ANKRD30B: variants seen among roughly 807,000 people sequenced by gnomAD.
ANKRD30B encodes the protein ankyrin repeat domain-containing protein 30B.
A neutral mutation model predicts 202.2 loss-of-function variants in ANKRD30B; 144 were observed. That is an observed-to-expected ratio of 0.71 (90% CI 0.62 to 0.82). ANKRD30B has a LOEUF of 0.82. ANKRD30B is among the 40% of genes least tolerant of loss of function. The pLI is 0.00. For synonymous variants in ANKRD30B, 508 were observed against 561.3 expected, an observed-to-expected ratio of 0.91 and a Z score of 1.34; for missense variants, 1,487 against 1,669.1, an observed-to-expected ratio of 0.89 and a Z score of 1.90.
the ANKRD30B span, among the ~76,000 whole-genome samples, chr18:14,876,655 G>A: frequency 6.6e-6 from 1 of 152,204 alleles, no homozygotes; most frequent in East Asian, 1.9e-4. Context: ...GAGCTTGTAA[G>A]TGAACAGAGA....
intron 7 of ANKRD30B, among the ~76,000 whole-genome samples, chr18:14,766,707 G>A (rs1916284682): frequency 6.6e-6 from 1 of 151,988 alleles, no homozygotes; most frequent in African/African-American, 2.4e-5. Context: ...ATAATTATTA[G>A]GCAAAGCCAT....
At chr18:14,856,158 G>A (rs1338785445), downstream of ANKRD30B, among the ~76,000 whole-genome samples, 21 of 145,680 alleles carry the variant, frequency 1.4e-4, no homozygotes, top group South Asian at 4.4e-4. Context: ...CAGATGGGAC[G>A]GCCAGGCAGA....
intron 30 of ANKRD30B, chr18:14,816,783 T>TA (rs1970132864): frequency 6.6e-6 from 1 of 151,702 alleles, no homozygotes; most frequent in African/African-American, 2.4e-5. Flanking sequence ...TACGCAGCCA[T>TA]AAAAAATGAT....
At chr18:14,938,844 T>C in the ANKRD30B span, among the ~76,000 whole-genome samples, 1 of 152,078 alleles carries the variant, frequency 6.6e-6, no homozygotes, top group African/African-American at 2.4e-5. Context: ...TAAACTTGGA[T>C]CAGACAAAAA....
At chr18:14,884,481 G>A in the ANKRD30B span, among the ~76,000 whole-genome samples, 1 of 151,942 alleles carries the variant, frequency 6.6e-6, no homozygotes, top group South Asian at 2.1e-4. Context: ...TTGTTACACA[G>A]CAATAGATAA....
chr18:14,805,880 A>G (rs1568031079), intron 24 of ANKRD30B, among the ~76,000 whole-genome samples: 4 of 149,734 alleles, frequency 2.7e-5, no homozygotes, highest in Non-Finnish European at 1.5e-5. Context: ...GTCATTCTAC[A>G]GCAACTTTTT....
the ANKRD30B span, among the ~76,000 whole-genome samples, chr18:14,876,381 GT>G: frequency 4.1e-4 from 62 of 152,340 alleles, no homozygotes; most frequent in African/African-American, 1.4e-3. Context: ...TTCTTCAAGT[GT>G]GTCCAAGAAG....
chr18:14,881,030 A>G, the ANKRD30B span, among the ~76,000 whole-genome samples: 1 of 152,130 alleles, frequency 6.6e-6, no homozygotes, highest in African/African-American at 2.4e-5. Flanking sequence ...ATCGTCAGCA[A>G]CCAGTGACAG....
chr18:14,821,006 G>C (rs1414698606), intron 30 of ANKRD30B, among the ~76,000 whole-genome samples: 1 of 152,114 alleles, frequency 6.6e-6, no homozygotes, highest in African/African-American at 2.4e-5. Flanking sequence ...ACTCTTTTTG[G>C]TTGGTAAACT....
the ANKRD30B span, among the ~76,000 whole-genome samples, chr18:14,935,175 AG>A: frequency 1.3e-5 from 2 of 152,160 alleles, no homozygotes; most frequent in Non-Finnish European, 2.9e-5. Context: ...ATAGCCTGGG[AG>A]GGGTACCTCG....
chr18:14,866,555 G>A, the ANKRD30B span, among the ~76,000 whole-genome samples: 31 of 152,180 alleles, frequency 2.0e-4, no homozygotes, highest in African/African-American at 7.2e-4. Flanking sequence ...GGCAGCTGGA[G>A]CCTTGGCCAC....
At chr18:14,795,860 T>G (rs1439816684) in intron 16 of ANKRD30B, among the ~76,000 whole-genome samples, 1 of 152,080 alleles carries the variant, frequency 6.6e-6, no homozygotes. Context: ...CTTATTTTTT[T>G]TTTTTTTGGC....
chr18:14,791,582 A>G, intron 16 of ANKRD30B, 91 bp downstream of exon 16: 1 of 997,518 alleles, frequency 1.0e-6, no homozygotes, highest in South Asian at 1.6e-5. Flanking sequence ...GAAGAAAATT[A>G]CCTCCTTAAT....
At chr18:14,825,207 T>G (rs1970610623) in intron 32 of ANKRD30B, 1 of 152,144 alleles carries the variant, frequency 6.6e-6, no homozygotes, top group East Asian at 1.9e-4. Flanking sequence ...CACGATCCTT[T>G]TGCATAGTTT....
intron 28 of ANKRD30B, among the ~76,000 whole-genome samples, chr18:14,811,261 G>C (rs1414518029): frequency 6.6e-6 from 1 of 151,640 alleles, no homozygotes; most frequent in South Asian, 2.1e-4. Flanking sequence ...GCCCAGGCTG[G>C]AGAGCAGTGG....
At chr18:14,822,461 A>G (rs1389034051) in intron 30 of ANKRD30B, 22 bp from the exon 31 acceptor site, 7 of 1,241,178 alleles carry the variant, frequency 5.6e-6, no homozygotes, top group Non-Finnish European at 8.1e-6. Context: ...ATAATCAATT[A>G]TATATGTCCC....
rs1231522958 is a variant in ANKRD30B, at chr18:14,782,563, A to G, written c.1519A>G (p.Ile507Val). Residue 507 changes from isoleucine to valine, a missense_variant, in exon 12 of 44, where the codon ATA becomes GTA. By Grantham distance (29) the Ile-to-Val change is conservative. Transcript: ENST00000690538. ...GAGTTCTGCAAAGACTCAAGTGTGTATACCTGAGTCTATGTATCAGAAAGT... is the reference window on the plus strand; with the variant it reads ...GAGTTCTGCAAAGACTCAAGTGTGTGTACCTGAGTCTATGTATCAGAAAGT... The part of the protein sequence containing the change: ...FESSAKTQVC[I>V]PESMYQKVME... 6.3e-7 allele frequency: 1 copy of G among 1,591,282 alleles called. No individual in the cohort carries two copies. Among genetic ancestry groups the G allele is most frequent in the Non-Finnish European group, 8.5e-7 (1 of 1,172,344 alleles).
the ANKRD30B span, among the ~76,000 whole-genome samples, chr18:14,938,496 A>T: frequency 6.6e-6 from 1 of 152,154 alleles, no homozygotes; most frequent in Non-Finnish European, 1.5e-5. Context: ...CATGGCCCTC[A>T]GTCCTCTACC....
At chr18:14,870,982 C>A in the ANKRD30B span, among the ~76,000 whole-genome samples, 2 of 148,088 alleles carry the variant, frequency 1.4e-5, no homozygotes, top group Admixed American at 1.3e-4. Flanking sequence ...CTAACCCACA[C>A]ACTCTCACCC....
Sources: allele counts gnomAD v4.1 joint callset (sites outside exome capture counted in the v4.1 genomes callset), GRCh38; gene constraint gnomAD v4.1.1; transcripts MANE v1.5; gene names NCBI Gene and HGNC (gene_info 2026-07-23, HGNC 2026-07-21).